The following BCKDHA variants were observed in gnomAD, a reference collection of about 807,000 sequenced individuals.
BCKDHA encodes branched chain keto acid dehydrogenase E1 subunit alpha.
BCKDHA carries 43 observed loss-of-function variants against 52.2 expected under a neutral mutation model. The ratio of observed to expected loss-of-function variants is 0.82; its 90% CI spans 0.64 to 1.06. The LOEUF (loss-of-function observed/expected upper bound fraction) is 1.06. BCKDHA is among the 50% of genes least tolerant of loss of function. BCKDHA has a pLI of 0.00. For missense variants in BCKDHA, 527 were observed against 621.3 expected (o/e 0.85, Z 1.61); for synonymous variants, 234 against 247.9 (o/e 0.94, Z 0.53).
chr19:41,412,398 T>TTTTTTTTTTTTTTTTTTTTA (rs59885702), intron 3 of BCKDHA, among the ~76,000 whole-genome samples: 2 of 132,990 alleles, frequency 1.5e-5, no homozygotes. Context: ...TTTTTTTTTT[T>TTTTTTTTTTTTTTTTTTTTA]ACTTTTGAGA....
rs777143993 is a variant in BCKDHA at position 41,419,308 on chromosome 19, T to C, written c.646+12T>C. 8 of 1,609,460 alleles carry C rather than the reference T, an allele frequency of 5.0e-6. No individual in the cohort carries two copies. The highest frequency in any genetic ancestry group is 6.8e-6 in the Non-Finnish European group (8 of 1,177,828). On this transcript the variant is annotated intron_variant, in intron 5 of 8. Coordinates refer to ENST00000269980, the MANE Select transcript of BCKDHA (RefSeq NM_000709.4). The stretch of plus-strand genomic sequence containing the variant: ...GCAGATCCCTCAGGGTGAGGATGCA[T>C]GCCCTGTACCTTGCACATGTGCAGA...
intron 1 of BCKDHA, among the ~76,000 whole-genome samples, chr19:41,408,847 G>A (rs1343820141): frequency 5.3e-5 from 8 of 152,012 alleles, no homozygotes; most frequent in Admixed American, 5.2e-4. Flanking sequence ...GCTCACCTGG[G>A]CTCAAGTAAT....
Position 41,422,336 on chromosome 19 carries a change from G to C in BCKDHA, c.819G>C (p.Thr273=), listed in dbSNP as rs201991385. ...GGAACAATGGCTACGCCATCTCCAC[G>C]CCCACCTCTGAGCAGTATCGCGGCG... The part of the protein sequence containing the change: ...FCRNNGYAIS[T]PTSEQYRGDG... The change falls in exon 6 of 9, where the codon ACG becomes ACC. Residue 273 remains threonine (T), a synonymous_variant. Coordinates refer to ENST00000269980, the MANE Select transcript of BCKDHA (RefSeq NM_000709.4). The C allele has an allele frequency of 6.2e-7, 1 of 1,614,046 alleles. No individual in the cohort carries two copies. The highest frequency in any genetic ancestry group is 8.5e-7 in the Non-Finnish European group (1 of 1,180,032).
intron 1 of BCKDHA, among the ~76,000 whole-genome samples, chr19:41,405,015 G>A (rs138632323): frequency 4.2e-4 from 64 of 152,264 alleles, no homozygotes; most frequent in African/African-American, 1.5e-3. Context: ...ATTATAACTT[G>A]TGTGTTCAGT....
At chr19:41,411,939 A>T (rs2039258270) in intron 3 of BCKDHA, among the ~76,000 whole-genome samples, 1 of 152,218 alleles carries the variant, frequency 6.6e-6, no homozygotes, top group South Asian at 2.1e-4. Context: ...GAAAGCACAC[A>T]TTCATCAGTT....
intron 1 of BCKDHA, among the ~76,000 whole-genome samples, chr19:41,398,181 G>A (rs1419923836): frequency 3.3e-5 from 5 of 152,158 alleles, no homozygotes; most frequent in Non-Finnish European, 7.4e-5. Flanking sequence ...TGAGGGAGAC[G>A]ACTTGAAGAG....
At chr19:41,402,432 A>G (rs1339166292) in intron 1 of BCKDHA, among the ~76,000 whole-genome samples, 2 of 152,132 alleles carry the variant, frequency 1.3e-5, no homozygotes, top group Non-Finnish European at 2.9e-5. Context: ...ATTTTTTATT[A>G]TATTTAATAC....
intron 8 of BCKDHA, among the ~76,000 whole-genome samples, chr19:41,423,462 AG>A (rs772533703): frequency 6.6e-6 from 1 of 152,214 alleles, no homozygotes; most frequent in Non-Finnish European, 1.5e-5. Flanking sequence ...TGGGAGGCCG[AG>A]GTGGCAGATC....
In BCKDHA at chr19:41,410,638, A is replaced by C. The variant is rs1254167050; in HGVS notation, c.110A>C (p.His37Pro). 1 of 1,613,448 alleles carries C rather than the reference A, an allele frequency of 6.2e-7. No individual in the cohort carries two copies. The highest frequency in any genetic ancestry group is 1.3e-5 in the African/African-American group (1 of 74,796). ...QPGARGLARS[H>P]PPRQQQQFSS... ...GGTCTCCTCTGCTCTCTTCCCCAGC[A>C]CCCCCCCAGGCAGCAGCAGCAGTTT... Residue 37 changes from histidine (H) to proline (P), a missense_variant and splice_region_variant, in exon 2 of 9, where the codon CAC (histidine) becomes CCC (proline). Coordinates refer to ENST00000269980, the MANE Select transcript of BCKDHA (RefSeq NM_000709.4).
chr19:41,421,458 G>A (rs2039363293), intron 5 of BCKDHA, among the ~76,000 whole-genome samples: 1 of 20,164 alleles, frequency 5.0e-5, no homozygotes, highest in Admixed American at 3.3e-4. Context: ...GAGGATGTGA[G>A]GGGGGAGCTG....
chr19:41,421,398 T>G (rs7257117), intron 5 of BCKDHA, among the ~76,000 whole-genome samples: 1 of 151,732 alleles, frequency 6.6e-6, no homozygotes, highest in African/African-American at 2.4e-5. Context: ...TGTGGTGCAC[T>G]GTAGGGGTGG....
At chr19:41,414,577 C>T (rs1373270675) in intron 4 of BCKDHA, among the ~76,000 whole-genome samples, 3 of 152,196 alleles carry the variant, frequency 2.0e-5, no homozygotes, top group African/African-American at 7.2e-5. Flanking sequence ...CTGGCCCCTC[C>T]TCAGGTGCTG....
Position 41,410,697 on chromosome 19 carries a change from G to A in BCKDHA, c.169G>A (p.Ala57Thr), listed in dbSNP as rs764481217. Residue 57 changes from alanine to threonine, a missense_variant, in exon 2 of 9, where the codon GCC (alanine) becomes ACC (threonine). Physicochemically the swap from Ala to Thr is moderately conservative, Grantham distance 58 (BLOSUM62 0). Coordinates refer to ENST00000269980, the MANE Select transcript of BCKDHA (RefSeq NM_000709.4). The stretch of plus-strand genomic sequence containing the variant: ...GGATGACAAGCCCCAGTTCCCAGGG[G>A]CCTCGGCGGAGTTTATAGATAAGTT... ...SLDDKPQFPGASAEFIDKLEF... is the reference protein window; with the variant it reads ...SLDDKPQFPGTSAEFIDKLEF... 2.5e-6 allele frequency: 4 copies of A among 1,614,164 alleles called. No homozygotes were observed. In the South Asian group the frequency reaches 3.3e-5, roughly 13 times the overall value.
At chr19:41,424,085 C>T (rs1426290127) in intron 8 of BCKDHA, among the ~76,000 whole-genome samples, 7 of 152,124 alleles carry the variant, frequency 4.6e-5, no homozygotes, top group Non-Finnish European at 1.0e-4. Context: ...CCTCCCTGGC[C>T]CGGTCATTAG....
intron 1 of BCKDHA, among the ~76,000 whole-genome samples, chr19:41,399,108 G>GTCTGATCC (rs1208247507): frequency 6.6e-6 from 1 of 152,084 alleles, no homozygotes; most frequent in Non-Finnish European, 1.5e-5. Flanking sequence ...GTGAGGTTGA[G>GTCTGATCC]TCTGATCCTC....
Position 41,424,547 on chromosome 19 carries a change from C to T in BCKDHA, c.1277C>T (p.Ser426Phe), listed in dbSNP as rs557058340. 41 of 1,614,154 alleles carry T rather than the reference C, an allele frequency of 2.5e-5. No homozygotes were observed. The highest frequency in any genetic ancestry group is 2.3e-4 in the South Asian group (21 of 91,084). ...GCCCAGCTCCGCAAGCAGCAGGAGT[C>T]TCTGGCCCGCCACCTGCAGACCTAC... Reference protein sequence around the residue: ...MPAQLRKQQESLARHLQTYGE... With the variant: ...MPAQLRKQQEFLARHLQTYGE... Residue 426 changes from serine (S) to phenylalanine (F), a missense_variant, in exon 9 of 9, where the codon TCT becomes TTT. Transcript: ENST00000269980.
intron 1 of BCKDHA, among the ~76,000 whole-genome samples, chr19:41,403,393 A>G (rs929834387): frequency 1.3e-5 from 2 of 152,208 alleles, no homozygotes; most frequent in Non-Finnish European, 2.9e-5. Context: ...TGATGGAGTT[A>G]TGATAACAGT....
intron 4 of BCKDHA, among the ~76,000 whole-genome samples, chr19:41,418,250 G>A (rs773407950): frequency 2.0e-5 from 3 of 152,170 alleles, no homozygotes; most frequent in Non-Finnish European, 2.9e-5. Context: ...AGTGCTTGCA[G>A]CATTGATCCA....
chr19:41,419,815 T>G (rs1417678570), intron 5 of BCKDHA, among the ~76,000 whole-genome samples: 1 of 141,886 alleles, frequency 7.0e-6, no homozygotes, highest in East Asian at 2.3e-4. Context: ...TCAGCCAGGT[T>G]GGAGTGCAAT....
Sources: gnomAD v4.1 joint callset for allele counts (sites outside exome capture counted in the v4.1 genomes callset) on GRCh38, gnomAD v4.1.1 for gene constraint, MANE v1.5 for transcripts, NCBI Gene and HGNC (gene_info 2026-07-23, HGNC 2026-07-21) for gene names.